Variants in LRRC1 observed in about 807,000 individuals in gnomAD.
LRRC1 encodes leucine-rich repeat-containing protein 1.
LRRC1 carries 28 observed loss-of-function variants against 69.9 expected under a neutral mutation model. That is an observed-to-expected ratio of 0.40 (90% CI 0.30 to 0.55). The LOEUF (loss-of-function observed/expected upper bound fraction) is 0.55, where lower values mean the gene tolerates loss of function less well. Ranked by LOEUF, LRRC1 falls within the 20% of genes least tolerant of loss-of-function variation. The pLI, the probability that LRRC1 is intolerant of heterozygous loss-of-function variation, is 0.47. For synonymous variants in LRRC1, 236 were observed against 240.2 expected (o/e 0.98, Z 0.16); for missense variants, 498 against 609.0 (o/e 0.82, Z 1.92).
intron 10 of LRRC1, among the ~76,000 whole-genome samples, chr6:53,909,965 C>G (rs1240629887): frequency 6.6e-6 from 1 of 152,106 alleles, no homozygotes; most frequent in Admixed American, 6.5e-5. Context: ...AACATAGGCT[C>G]CCTTTTTGAA....
chr6:53,916,679 A>G (rs185311238), intron 11 of LRRC1, among the ~76,000 whole-genome samples: 5 of 152,278 alleles, frequency 3.3e-5, no homozygotes, highest in African/African-American at 1.2e-4. Context: ...TATATTTTTA[A>G]ATATTTTTGA....
chr6:53,881,482 A>C lies in LRRC1; in HGVS notation c.357-1405A>C, dbSNP rs1767290519. ...ATGCTTTCTGGTTAAAAACTCAGGC[A>C]GAACAGATAAGTTGCATCTTTTGAA... On this transcript the variant is annotated intron_variant, in intron 3 of 13. Coordinates refer to ENST00000370888, the MANE Select transcript of LRRC1 (RefSeq NM_018214.5). Among the ~76,000 whole-genome samples the C allele has an allele frequency of 2.0e-5, 3 of 152,248 alleles. No homozygotes were observed. The South Asian group carries it at 6.2e-4, about 32-fold the overall frequency.
chr6:53,849,253 G>A (rs189090004), intron 2 of LRRC1, among the ~76,000 whole-genome samples: 9 of 152,100 alleles, frequency 5.9e-5, no homozygotes, highest in South Asian at 4.1e-4. Flanking sequence ...CACTTTATCC[G>A]TACATGCTAC....
intron 1 of LRRC1, among the ~76,000 whole-genome samples, chr6:53,815,508 A>G (rs2127407061): frequency 6.6e-6 from 1 of 152,212 alleles, no homozygotes; most frequent in East Asian, 1.9e-4. Context: ...ATATGCACAC[A>G]CAGTGAGCGT....
rs780630878 is a variant in LRRC1 at position 53,920,690 on chromosome 6, G to A, written c.1345G>A (p.Glu449Lys). The A allele has an allele frequency of 1.9e-6, 3 of 1,614,164 alleles. No individual in the cohort carries two copies. The highest frequency in any genetic ancestry group is 2.2e-5 in the East Asian group (1 of 44,884). Residue 449 changes from glutamate (E) to lysine (K), a missense_variant, in exon 13 of 14, where the codon GAG (glutamate) becomes AAG (lysine). Physicochemically the swap from Glu to Lys is moderately conservative, Grantham distance 56. Around this residue, in one of 3 missense-constraint regions of LRRC1, gnomAD observed 162 missense variants for 162.9 expected, o/e 0.99. Transcript: ENST00000370888. ...TGATGTCTCTGATGAAGCCTGGAAC[G>A]AGCGTGCTGTCAACAGAGTCAGTGC... Reference protein sequence around the residue: ...VNDVSDEAWNERAVNRVSAIR... With the variant: ...VNDVSDEAWNKRAVNRVSAIR...
chr6:53,878,382 A>G (rs547239856), intron 2 of LRRC1, among the ~76,000 whole-genome samples: 110 of 152,244 alleles, frequency 7.2e-4, no homozygotes, highest in African/African-American at 2.6e-3. Context: ...TAATTATACA[A>G]CTCACCATAA....
intron 2 of LRRC1, among the ~76,000 whole-genome samples, chr6:53,870,227 G>C (rs1483064362): frequency 2.0e-5 from 3 of 152,004 alleles, no homozygotes; most frequent in African/African-American, 4.8e-5. Flanking sequence ...ATTTCTTACA[G>C]CCACCATTCA....
chr6:53,809,043 A>G (rs1942720406), intron 1 of LRRC1, among the ~76,000 whole-genome samples: 1 of 152,212 alleles, frequency 6.6e-6, no homozygotes, highest in Non-Finnish European at 1.5e-5. Context: ...TTAAAGTCAA[A>G]GCACATCCGT....
intron 2 of LRRC1, among the ~76,000 whole-genome samples, chr6:53,869,653 G>A (rs907901526): frequency 9.9e-5 from 15 of 152,124 alleles, no homozygotes; most frequent in African/African-American, 3.6e-4. Context: ...GATACTGTGT[G>A]GGCTCTGGAG....
At chr6:53,896,695 C>T in intron 5 of LRRC1, 134 bp from the exon 6 acceptor site, 1 of 978,292 alleles carries the variant, frequency 1.0e-6, no homozygotes, top group Non-Finnish European at 1.6e-6. Flanking sequence ...TCTTAACAAT[C>T]CTTCCTGTGC....
intron 10 of LRRC1, among the ~76,000 whole-genome samples, chr6:53,909,509 C>T (rs1321283224): frequency 6.6e-6 from 1 of 151,876 alleles, no homozygotes; most frequent in African/African-American, 2.4e-5. Flanking sequence ...TACTGATTAT[C>T]CCTTTGTGGT....
intron 3 of LRRC1, among the ~76,000 whole-genome samples, 184 bp downstream of exon 3, chr6:53,879,255 T>A (rs1767181690): frequency 6.6e-6 from 1 of 152,208 alleles, no homozygotes; most frequent in Admixed American, 6.5e-5. Context: ...GGCGTACTAT[T>A]CTATTGATAG....
intron 1 of LRRC1, among the ~76,000 whole-genome samples, chr6:53,808,052 A>G (rs1764686302): frequency 6.6e-6 from 1 of 152,236 alleles, no homozygotes; most frequent in South Asian, 2.1e-4. Flanking sequence ...ATGGGTTTTC[A>G]TCAGTTGAAG....
chr6:53,796,458 G>C (rs1562019162), intron 1 of LRRC1, among the ~76,000 whole-genome samples: 1 of 152,170 alleles, frequency 6.6e-6, no homozygotes, highest in Non-Finnish European at 1.5e-5. Flanking sequence ...GATTGGACCT[G>C]TTTTAGGCCT....
At chr6:53,843,369 G>A (rs1347796566) in intron 2 of LRRC1, among the ~76,000 whole-genome samples, 1 of 152,114 alleles carries the variant, frequency 6.6e-6, no homozygotes, top group African/African-American at 2.4e-5. Context: ...TACAGCAATG[G>A]TAATCAGTAC....
At chr6:53,799,961 T>C (rs571135369) in intron 1 of LRRC1, among the ~76,000 whole-genome samples, 1 of 152,310 alleles carries the variant, frequency 6.6e-6, no homozygotes, top group East Asian at 1.9e-4. Context: ...TCTGGATTTA[T>C]GTTGTGCGTT....
At chr6:53,816,707 T>C (rs950572504) in intron 1 of LRRC1, among the ~76,000 whole-genome samples, 2 of 106,364 alleles carry the variant, frequency 1.9e-5, no homozygotes, top group African/African-American at 6.8e-5. Context: ...AATATTTCTT[T>C]CAAAATAACC....
rs563920535 is a variant in LRRC1 at position 53,842,287 on chromosome 6, G to C, written c.277+60G>C. 12 of 1,172,176 alleles carry C rather than the reference G, an allele frequency of 1.0e-5. No homozygotes were observed. The African/African-American group carries it at 1.8e-4, about 18-fold the overall frequency. The allele number at this position is 1,172,176 out of a possible 1,614,324, so 72.6% of individuals were successfully genotyped here. ...TCTTCAGATGCTGGGGGTGTTTTTA[G>C]TAAATATAGCTACGAGTGAGAACAT... On this transcript the variant is annotated intron_variant, in intron 2 of 13. Transcript: ENST00000370888.
At position 53,913,861 on chromosome 6, in the gene LRRC1, G is replaced by T. The variant is rs1562073364; in HGVS notation, c.998G>T (p.Gly333Val). ...KLVSLPKEIG[G>V]CCSLTVFCVR... ...TTTTCTTTCTCACCATAGATCGGCG[G>T]GTGCTGCAGCCTCACTGTGTTCTGT... Residue 333 changes from glycine to valine, a missense_variant, in exon 11 of 14, where the codon GGG becomes GTG. Around this residue, in one of 3 missense-constraint regions of LRRC1, gnomAD observed 266 missense variants for 383.9 expected, o/e 0.69. Coordinates refer to ENST00000370888, the MANE Select transcript of LRRC1 (RefSeq NM_018214.5). The T allele has an allele frequency of 6.3e-7, 1 of 1,592,044 alleles. No homozygotes were observed. The highest frequency in any genetic ancestry group is 1.3e-5 in the African/African-American group (1 of 74,764).
Sources: allele counts gnomAD v4.1 joint callset (sites outside exome capture counted in the v4.1 genomes callset), GRCh38; gene constraint gnomAD v4.1.1; regional missense constraint gnomAD v4.1.1; transcripts MANE v1.5; gene names NCBI Gene and HGNC (gene_info 2026-07-23, HGNC 2026-07-21).